Variants in MYO6 observed in about 807,000 individuals in gnomAD.
The protein encoded by MYO6 is myosin VI, also known as unconventional myosin-VI.
In MYO6, 74 loss-of-function variants were observed where a neutral mutation model predicts 178.7. The observed-to-expected ratio is 0.41, with a 90% CI of 0.34 to 0.50. The LOEUF is 0.50. Ranked by LOEUF, MYO6 falls within the 20% of genes least tolerant of loss-of-function variation. The pLI, the probability that MYO6 is intolerant of heterozygous loss-of-function variation, is 0.09. For missense variants in MYO6, 1,330 were observed against 1,547.4 expected (o/e 0.86, Z 2.36); for synonymous variants, 477 against 504.6 (o/e 0.95, Z 0.73).
At chr6:75,894,711 C>A in intron 28 of MYO6, 1 of 693,814 alleles carries the variant, frequency 1.4e-6, no homozygotes, top group South Asian at 3.7e-5. Context: ...GTAAACTGTT[C>A]TTAATCTATA....
At chr6:75,810,771 G>A (rs976045626) in intron 1 of MYO6, among the ~76,000 whole-genome samples, 10 of 152,218 alleles carry the variant, frequency 6.6e-5, no homozygotes, top group African/African-American at 1.9e-4. Context: ...GAGATAGAAC[G>A]GAGTTAAGGC....
At chr6:75,902,660 TC>T (rs1779904707) in intron 30 of MYO6, among the ~76,000 whole-genome samples, 1 of 152,098 alleles carries the variant, frequency 6.6e-6, no homozygotes, top group Non-Finnish European at 1.5e-5. Flanking sequence ...ATTTTGTTGA[TC>T]CTTTCAAAAA....
intron 1 of MYO6, among the ~76,000 whole-genome samples, chr6:75,753,459 A>G (rs200261201): frequency 0.056 from 7,974 of 142,642 alleles, 279 homozygotes; most frequent in East Asian, 0.16. Flanking sequence ...GTGTGTGTAT[A>G]TATATATATA....
At chr6:75,828,685 C>A in intron 4 of MYO6, 72 bp downstream of exon 4, 1 of 1,006,198 alleles carries the variant, frequency 9.9e-7, no homozygotes, top group Non-Finnish European at 1.6e-6. Context: ...GATTTTGTCA[C>A]GCTTGAAATT....
chr6:75,907,792 GTA>G (rs1240194391), intron 31 of MYO6, 84 bp downstream of exon 31: 101 of 898,230 alleles, frequency 1.1e-4, no homozygotes, highest in Middle Eastern at 2.1e-4. Context: ...GTGTGTGTGT[GTA>G]TGTGTGTGTG....
chr6:75,868,613 TAATAA>T (rs1207665147), intron 18 of MYO6, among the ~76,000 whole-genome samples: 1 of 152,116 alleles, frequency 6.6e-6, no homozygotes, highest in Non-Finnish European at 1.5e-5. Context: ...ATGATACTAA[TAATAA>T]AATATTTCAC....
chr6:75,904,161 T>C (rs1780065640), intron 30 of MYO6, among the ~76,000 whole-genome samples: 1 of 150,500 alleles, frequency 6.6e-6, no homozygotes, highest in African/African-American at 2.4e-5. Context: ...GCCCTTAACA[T>C]TTTTTCCTTC....
At chr6:75,904,857 T>C (rs915287786) in intron 30 of MYO6, among the ~76,000 whole-genome samples, 2 of 152,170 alleles carry the variant, frequency 1.3e-5, no homozygotes, top group Non-Finnish European at 2.9e-5. Flanking sequence ...ATCTTTGTGG[T>C]TTTGTCTACT....
intron 28 of MYO6, 64 bp downstream of exon 28, chr6:75,892,754 C>G: frequency 6.5e-7 from 1 of 1,545,872 alleles, no homozygotes; most frequent in African/African-American, 1.4e-5. Flanking sequence ...CTCTGCCTCT[C>G]ATTTCCATGC....
chr6:75,845,616 C>A (rs985051374), intron 10 of MYO6, among the ~76,000 whole-genome samples: 1 of 151,976 alleles, frequency 6.6e-6, no homozygotes, highest in Non-Finnish European at 1.5e-5. Flanking sequence ...ATTGCTTGAA[C>A]CCTGGAGGTG....
intron 1 of MYO6, among the ~76,000 whole-genome samples, chr6:75,796,668 A>G (rs886094069): frequency 7.2e-6 from 1 of 139,556 alleles, no homozygotes; most frequent in African/African-American, 2.7e-5. Flanking sequence ...AAGTCTCACT[A>G]TATTGCCCAT....
At chr6:75,909,540 G>A (rs191065713) in intron 32 of MYO6, among the ~76,000 whole-genome samples, 1 of 152,274 alleles carries the variant, frequency 6.6e-6, no homozygotes, top group East Asian at 1.9e-4. Flanking sequence ...AAAGGCCAAG[G>A]TGTATACTTG....
At chr6:75,907,812 G>GTGTA in intron 31 of MYO6, 104 bp downstream of exon 31, 1 of 800,972 alleles carries the variant, frequency 1.2e-6, no homozygotes, top group Non-Finnish European at 2.1e-6. Flanking sequence ...GTGTGTGTGT[G>GTGTA]TGTGTATGTG....
At chr6:75,815,953 C>T (rs1406798895) in intron 1 of MYO6, among the ~76,000 whole-genome samples, 1 of 152,184 alleles carries the variant, frequency 6.6e-6, no homozygotes, top group Non-Finnish European at 1.5e-5. Context: ...CTCATAGCAT[C>T]CAGGCTCATT....
At chr6:75,840,745 G>A (rs1774140799) in intron 8 of MYO6, 63 bp downstream of exon 8, 5 of 1,213,406 alleles carry the variant, frequency 4.1e-6, no homozygotes, top group Admixed American at 1.8e-5. Context: ...GCAAGGGTCA[G>A]TTGGTGCTGT....
chr6:75,895,122 G>T, intron 28 of MYO6, 109 bp from the exon 29 acceptor site: 2 of 791,884 alleles, frequency 2.5e-6, no homozygotes, highest in South Asian at 3.7e-5. Context: ...ACAAATAATT[G>T]AGTTTTTAAA....
chr6:75,888,314 A>T (rs1583372180), intron 25 of MYO6, among the ~76,000 whole-genome samples: 2 of 150,976 alleles, frequency 1.3e-5, no homozygotes, highest in Non-Finnish European at 3.0e-5. Flanking sequence ...AAGTAATATA[A>T]TACTATAAAA....
At chr6:75,855,433 TTAAC>T in intron 12 of MYO6, 150 bp downstream of exon 12, 1 of 782,768 alleles carries the variant, frequency 1.3e-6, no homozygotes, top group Non-Finnish European at 2.1e-6. Flanking sequence ...TAAATGGAGT[TTAAC>T]ATAGCTCTTA....
intron 1 of MYO6, among the ~76,000 whole-genome samples, chr6:75,764,739 TCC>T (rs1182663005): frequency 6.6e-6 from 1 of 152,040 alleles, no homozygotes; most frequent in Non-Finnish European, 1.5e-5. Context: ...AATGATTTGA[TCC>T]AGGCCAGGCA....
Sources: allele counts gnomAD v4.1 joint callset (sites outside exome capture counted in the v4.1 genomes callset), GRCh38; gene constraint gnomAD v4.1.1; transcripts MANE v1.5; gene names NCBI Gene and HGNC (gene_info 2026-07-23, HGNC 2026-07-21).